Variants in VCL observed in about 807,000 individuals in gnomAD.
The protein encoded by VCL is epididymis luminal protein 114.
A neutral mutation model predicts 125.7 loss-of-function variants in VCL; 47 were observed. The ratio of observed to expected loss-of-function variants is 0.37; its 90% CI spans 0.30 to 0.48. VCL has a LOEUF of 0.48. Among genes scored for constraint, VCL ranks in the 20% least tolerant of loss-of-function variants. The probability of loss-of-function intolerance (pLI) is 0.99; values close to 1 mark genes in which losing one functional copy is unlikely to be tolerated. For missense variants in VCL, 1,069 were observed against 1,455.5 expected, an observed-to-expected ratio of 0.73 and a Z score of 4.32; for synonymous variants, 458 against 514.6, an observed-to-expected ratio of 0.89 and a Z score of 1.49.
intron 1 of VCL, among the ~76,000 whole-genome samples, chr10:74,011,841 G>T (rs1170998783): frequency 6.6e-6 from 1 of 152,198 alleles, no homozygotes; most frequent in Non-Finnish European, 1.5e-5. Flanking sequence ...TGGGGTGTGT[G>T]TATAGAGGAG....
At position 74,071,140 on chromosome 10, in the gene VCL, A is replaced by C. The variant is rs1482728316; in HGVS notation, c.499+57A>C. 3.2e-6 allele frequency: 5 copies of C among 1,541,804 alleles called. No homozygotes were observed. The East Asian group carries it at 9.0e-5, about 28-fold the overall frequency. On this transcript the variant is annotated intron_variant, in intron 4 of 21. Transcript: ENST00000211998. This position sits in a 1 kb window ranked among gnomAD's most constrained non-coding sequence, Gnocchi z 4.1. ...TAAGGATTGTCCATGTTGGAGCCAA[A>C]GGAAAGGGTACCCTCTTCCTACTTT...
At chr10:74,041,478 T>C (rs1377501611) in intron 1 of VCL, among the ~76,000 whole-genome samples, 3 of 152,190 alleles carry the variant, frequency 2.0e-5, no homozygotes, top group Non-Finnish European at 4.4e-5. Flanking sequence ...ACACATAATT[T>C]GGTAGTGTGA....
At chr10:74,096,112 C>G (rs1247671797) in intron 12 of VCL, among the ~76,000 whole-genome samples, 1 of 149,162 alleles carries the variant, frequency 6.7e-6, no homozygotes, top group African/African-American at 2.5e-5. Flanking sequence ...CACATATCAT[C>G]TGTACTTTTA....
intron 2 of VCL, among the ~76,000 whole-genome samples, chr10:74,064,475 A>C (rs1591682506): frequency 6.6e-6 from 1 of 152,000 alleles, no homozygotes; most frequent in African/African-American, 2.4e-5. Context: ...GCATGATCAT[A>C]GCTCACTACA....
intron 8 of VCL, among the ~76,000 whole-genome samples, chr10:74,087,081 CTT>C (rs1740378899): frequency 6.6e-6 from 1 of 151,922 alleles, no homozygotes; most frequent in African/African-American, 2.4e-5. Context: ...CAGTTGGACT[CTT>C]TTAACAAAAA....
At chr10:74,108,841 C>G (rs1441155653) in intron 17 of VCL, 130 bp from the exon 18 acceptor site, 8 of 977,908 alleles carry the variant, frequency 8.2e-6, no homozygotes. Flanking sequence ...GTCCTTGTGG[C>G]TCAGTGTGGG....
intron 18 of VCL, 152 bp downstream of exon 18, chr10:74,109,308 G>A: frequency 1.0e-6 from 1 of 970,656 alleles, no homozygotes; most frequent in Non-Finnish European, 1.6e-6. Context: ...CTTCTTACCT[G>A]TGCTTTAGTG....
intron 1 of VCL, among the ~76,000 whole-genome samples, chr10:74,022,020 T>C (rs1291364177): frequency 6.6e-6 from 1 of 152,156 alleles, no homozygotes; most frequent in Non-Finnish European, 1.5e-5. Context: ...CTCAGAAACC[T>C]ATGCCTTGTC....
In VCL at chr10:74,101,242, T is replaced by C. The variant is rs528314340; in HGVS notation, c.2022+145T>C. On this transcript the variant is annotated intron_variant, in intron 14 of 21. Coordinates refer to ENST00000211998, the MANE Select transcript of VCL (RefSeq NM_014000.3). ...CGGTAGCACCTATAATTCCGGCACT[T>C]TGGGAGGGTGAGGCGGGAGGACTGC... is the stretch of plus-strand genomic sequence containing the variant. 3.5e-5 allele frequency: 43 copies of C among 1,233,440 alleles called. No individual in the cohort carries two copies. The African/African-American group carries it at 6.1e-4, about 18-fold the overall frequency. 76.4% of individuals were successfully genotyped at this position (1,233,440 alleles called of 1,614,324 possible).
chr10:74,052,040 G>A (rs1841308558), intron 2 of VCL, among the ~76,000 whole-genome samples: 1 of 152,134 alleles, frequency 6.6e-6, no homozygotes, highest in African/African-American at 2.4e-5. Context: ...GGGGTGATTT[G>A]TGCAGAAATT....
chr10:74,065,683 C>CAAA (rs34028366), intron 2 of VCL, among the ~76,000 whole-genome samples: 5,872 of 113,192 alleles, frequency 0.052, 400 homozygotes, highest in African/African-American at 0.17. Context: ...GACCCTGTCT[C>CAAA]AAAAAAAAAA....
chr10:74,092,598 T>C (rs986744689), intron 10 of VCL, among the ~76,000 whole-genome samples: 7 of 152,178 alleles, frequency 4.6e-5, no homozygotes, highest in African/African-American at 1.7e-4. Flanking sequence ...TGTGTTGACT[T>C]AGTTTATTTA....
In VCL at chr10:74,118,411, A is replaced by C; in HGVS notation, c.*242A>C. ...ACACAGTTACACTTGTGCACCCTCT[A>C]TCCCAATAGGCAGACTGGGTTTCTA... On this transcript the variant is annotated 3_prime_UTR_variant, in exon 22 of 22. Coordinates refer to ENST00000211998, the MANE Select transcript of VCL (RefSeq NM_014000.3). 1 of 539,156 alleles carries C rather than the reference A, an allele frequency of 1.9e-6. No homozygotes were observed. 33.4% of individuals were successfully genotyped at this position (539,156 alleles called of 1,614,324 possible). A position where few individuals can be genotyped will look rare whatever the true frequency, so the allele number is the denominator to read the frequency against.
At chr10:74,049,936 C>T (rs938512391) in intron 2 of VCL, among the ~76,000 whole-genome samples, 3 of 152,102 alleles carry the variant, frequency 2.0e-5, no homozygotes, top group Non-Finnish European at 4.4e-5. Context: ...TTATAGCAAA[C>T]TATTTTATTT....
intron 1 of VCL, among the ~76,000 whole-genome samples, chr10:74,024,228 T>C (rs891101773): frequency 6.6e-6 from 1 of 152,178 alleles, no homozygotes; most frequent in Admixed American, 6.5e-5. Context: ...TATTATGGCC[T>C]GGAGCCAAAT....
chr10:74,087,513 ATT>A lies in VCL; in HGVS notation c.1023-1664_1023-1663del, dbSNP rs1167937127. Among the ~76,000 whole-genome samples the A allele has an allele frequency of 3.9e-3, 485 of 123,024 alleles. 1 individual carries two copies. The highest frequency in any genetic ancestry group is 0.014 in the African/African-American group (452 of 32,842). The allele number at this position is 123,024 out of a possible 152,430, so 80.7% of individuals were successfully genotyped here. ...AGGCGCCTGCCACCACGCCTGGCTA[ATT>A]TTTTTTTTTTTTTTTTTTGGATTTT... On this transcript the variant is annotated intron_variant, in intron 8 of 21. Coordinates refer to ENST00000211998, the MANE Select transcript of VCL (RefSeq NM_014000.3).
At chr10:74,006,557 A>G (rs1049222827) in intron 1 of VCL, among the ~76,000 whole-genome samples, 1 of 152,238 alleles carries the variant, frequency 6.6e-6, no homozygotes, top group African/African-American at 2.4e-5. Context: ...GTTATTTCAT[A>G]CACAGGTTGA....
chr10:74,069,468 T>C (rs1324367838), intron 2 of VCL, among the ~76,000 whole-genome samples: 1 of 152,256 alleles, frequency 6.6e-6, no homozygotes, highest in Non-Finnish European at 1.5e-5. Flanking sequence ...GCTTTTTATG[T>C]AGTTGAAATT....
chr10:73,998,276 G>A lies in VCL; in HGVS notation c.69G>A (p.Leu23=). The A allele has an allele frequency of 5.6e-6, 9 of 1,610,826 alleles. No homozygotes were observed. Among genetic ancestry groups the A allele is most frequent in the Non-Finnish European group, 7.6e-6 (9 of 1,178,554 alleles). Residue 23 remains leucine (L), a synonymous_variant, in exon 1 of 22, where the codon CTG becomes CTA. Coordinates refer to ENST00000211998, the MANE Select transcript of VCL (RefSeq NM_014000.3). ...CGGTGGCACAGCAGATCTCCCACCT[G>A]GTGATAATGCACGAGGAGGGCGAGG... ...LEPVAQQISH[L]VIMHEEGEVD...
Sources: gnomAD v4.1 joint callset for allele counts (sites outside exome capture counted in the v4.1 genomes callset) on GRCh38, gnomAD v4.1.1 for gene constraint, Gnocchi (gnomAD v3.1) non-coding constraint, MANE v1.5 for transcripts, NCBI Gene and HGNC (gene_info 2026-07-23, HGNC 2026-07-21) for gene names.